Variants in MICAL2 observed in about 807,000 individuals in gnomAD.
MICAL2 encodes the protein microtubule associated monooxygenase, calponin and LIM domain containing 2.
In MICAL2, 77 loss-of-function variants were observed where a neutral mutation model predicts 127.3. The ratio of observed to expected loss-of-function variants is 0.60; its 90% CI spans 0.50 to 0.73. The LOEUF is 0.73. Among genes scored for constraint, MICAL2 ranks in the 30% least tolerant of loss-of-function variants. The probability of loss-of-function intolerance (pLI) is 0.00; values close to 1 mark genes in which losing one functional copy is unlikely to be tolerated. For missense variants in MICAL2, 1,351 were observed against 1,434.4 expected, an observed-to-expected ratio of 0.94 and a Z score of 0.94; for synonymous variants, 570 against 551.1, an observed-to-expected ratio of 1.03 and a Z score of -0.48.
intron 3 of MICAL2, among the ~76,000 whole-genome samples, chr11:12,176,292 T>C (rs2630319): frequency 1.3e-5 from 2 of 152,140 alleles, no homozygotes; most frequent in Non-Finnish European, 2.9e-5. Context: ...CCATGACTTA[T>C]TGTGTGATCT....
rs191076668 is a variant in MICAL2, at chr11:12,165,714, G to A, written c.264+3295G>A. 9.2e-5 allele frequency among the ~76,000 whole-genome samples: 14 copies of A among 152,354 alleles called. No individual in the cohort carries two copies. In the East Asian group the frequency reaches 1.5e-3, roughly 17 times the overall value. ...CCTGCCTCCGTGCCACCATATGTGC[G>A]TGTATACACACGTGCGTGTGACAGT... On this transcript the variant is annotated intron_variant, in intron 3 of 27. Coordinates refer to ENST00000683283, the MANE Select transcript of MICAL2 (RefSeq NM_001282663.2).
At chr11:12,198,701 A>G (rs1162842698) in intron 3 of MICAL2, among the ~76,000 whole-genome samples, 1 of 152,164 alleles carries the variant, frequency 6.6e-6, no homozygotes, top group Non-Finnish European at 1.5e-5. Flanking sequence ...TACCAGGAAG[A>G]CAGCACCATG....
At chr11:12,348,339 AT>A (rs1938989907) in intron 32 of MICAL2, among the ~76,000 whole-genome samples, 1 of 151,984 alleles carries the variant, frequency 6.6e-6, no homozygotes, top group Non-Finnish European at 1.5e-5. Context: ...TTTGTGAAAT[AT>A]TTTTTTCTGA....
intron 3 of MICAL2, among the ~76,000 whole-genome samples, chr11:12,177,748 T>C (rs1215711529): frequency 6.6e-6 from 1 of 152,214 alleles, no homozygotes; most frequent in Admixed American, 6.5e-5. Context: ...TTCTTTTCTG[T>C]AGTACATATT....
chr11:12,231,319 C>G (rs1858228352), intron 15 of MICAL2, among the ~76,000 whole-genome samples: 1 of 152,202 alleles, frequency 6.6e-6, no homozygotes, highest in East Asian at 1.9e-4. Flanking sequence ...ATGGGTAGCC[C>G]CAGGTTTGAT....
intron 3 of MICAL2, among the ~76,000 whole-genome samples, chr11:12,173,417 G>A (rs1856498630): frequency 6.6e-6 from 1 of 152,188 alleles, no homozygotes; most frequent in African/African-American, 2.4e-5. Context: ...TCCAGCCAAG[G>A]AGAACATGCT....
intron 3 of MICAL2, among the ~76,000 whole-genome samples, chr11:12,175,585 C>CTGTGTGTG (rs71313462): frequency 0.14 from 21,376 of 149,786 alleles, 1,828 homozygotes; most frequent in Admixed American, 0.2. Flanking sequence ...TGTGGGGAGT[C>CTGTGTGTG]TGTGTGTGTG....
At chr11:12,262,264 C>T in intron 26 of MICAL2, 2 of 1,416,300 alleles carry the variant, frequency 1.4e-6, no homozygotes, top group South Asian at 3.0e-5. Context: ...AAACTGTGTG[C>T]ATCCACTCTC....
At chr11:12,280,325 A>G (rs1452696229) in intron 1 of MICAL2, among the ~76,000 whole-genome samples, 1 of 152,218 alleles carries the variant, frequency 6.6e-6, no homozygotes, top group African/African-American at 2.4e-5. Context: ...AGCAGGCTTT[A>G]TTCAAACAGC....
At chr11:12,274,782 C>T (rs2134755820), upstream of MICAL2, 1 of 152,250 alleles carries the variant, frequency 6.6e-6, no homozygotes, top group Non-Finnish European at 1.5e-5. Context: ...CTTTGCAGGC[C>T]TCGGTAGGGC....
At chr11:12,345,861 A>C (rs977996701) in intron 32 of MICAL2, among the ~76,000 whole-genome samples, 1 of 152,182 alleles carries the variant, frequency 6.6e-6, no homozygotes, top group African/African-American at 2.4e-5. Context: ...TCTCTTTAAG[A>C]TATATCTTGG....
chr11:12,255,519 C>T (rs992467921), intron 22 of MICAL2, 124 bp from the exon 23 acceptor site: 14 of 778,072 alleles, frequency 1.8e-5, no homozygotes, highest in African/African-American at 1.4e-4. Context: ...TCTCCTGGGT[C>T]GTGGGGTGCT....
downstream of MICAL2, chr11:12,263,889 C>G (rs1863445199): frequency 6.6e-6 from 1 of 152,314 alleles, no homozygotes; most frequent in South Asian, 2.1e-4. Flanking sequence ...GGGACTTGCA[C>G]TTGAGGTAAC....
intron 6 of MICAL2, among the ~76,000 whole-genome samples, chr11:12,210,877 G>A (rs1855363814): frequency 6.6e-6 from 1 of 152,226 alleles, no homozygotes; most frequent in South Asian, 2.1e-4. Flanking sequence ...ATTGTAGGGT[G>A]TTCAGCAGCA....
chr11:12,240,332 A>G (rs1859722342), intron 17 of MICAL2, among the ~76,000 whole-genome samples: 2 of 152,232 alleles, frequency 1.3e-5, no homozygotes, highest in Non-Finnish European at 2.9e-5. Context: ...GTCACATTAC[A>G]GAAGCTTGGG....
Position 12,182,712 on chromosome 11 carries a change from T to C in MICAL2, c.264+20293T>C, listed in dbSNP as rs987268515. ...CAGAGGTGGTGTCGTAATGCCTCAA[T>C]GGATGGCTAGTCTTCCCTTCCTGGA... On this transcript the variant is annotated intron_variant, in intron 3 of 27. Transcript: ENST00000683283. 2.6e-5 allele frequency among the ~76,000 whole-genome samples: 4 copies of C among 152,182 alleles called. No individual in the cohort carries two copies. The East Asian group carries it at 5.8e-4, about 22-fold the overall frequency.
intron 1 of MICAL2, among the ~76,000 whole-genome samples, chr11:12,129,816 TC>T (rs1851268974): frequency 6.6e-6 from 1 of 152,014 alleles, no homozygotes; most frequent in African/African-American, 2.4e-5. Context: ...CAGATGATCC[TC>T]CCAGTTCTGC....
rs371256027 is a variant in MICAL2 at position 12,349,845 on chromosome 11, C to T, written c.5523C>T (p.Gly1841=). 4 of 1,614,030 alleles carry T rather than the reference C, an allele frequency of 2.5e-6. No individual in the cohort carries two copies. The South Asian group carries it at 3.3e-5, about 13-fold the overall frequency. Residue 1841 remains glycine, a synonymous_variant, in exon 33 of 35, where the codon GGC becomes GGT. Coordinates refer to the MICAL2 transcript ENST00000646065. Reference sequence around the variant, plus strand: ...TGTTGATTTCTTAAGCAGATTCAGGCACACAGGATGAAGCACAGCTTTTGC... The same window carrying T: ...TGTTGATTTCTTAAGCAGATTCAGGTACACAGGATGAAGCACAGCTTTTGC...
intron 33 of MICAL2, among the ~76,000 whole-genome samples, chr11:12,353,740 C>T (rs1270356171): frequency 1.3e-5 from 2 of 152,148 alleles, no homozygotes; most frequent in Non-Finnish European, 2.9e-5. Flanking sequence ...AAATGCTGAG[C>T]CCCCAGCACT....
Sources: gnomAD v4.1 joint callset for allele counts (sites outside exome capture counted in the v4.1 genomes callset) on GRCh38, gnomAD v4.1.1 for gene constraint, MANE v1.5 for transcripts, NCBI Gene and HGNC (gene_info 2026-07-23, HGNC 2026-07-21) for gene names.